The following CORO2B variants were observed in gnomAD, a reference collection of about 807,000 sequenced individuals.
CORO2B encodes coronin-2B.
Under a neutral mutation model 58.8 loss-of-function variants are expected in CORO2B, and 26 were observed. The ratio of observed to expected loss-of-function variants is 0.44; its 90% CI spans 0.32 to 0.61. CORO2B has a LOEUF of 0.61. Ranked by LOEUF, CORO2B falls within the 20% of genes least tolerant of loss-of-function variation. CORO2B has a pLI of 0.04. For synonymous variants in CORO2B, 242 were observed against 253.8 expected (o/e 0.95, Z 0.44); for missense variants, 460 against 645.1 (o/e 0.71, Z 3.11).
chr15:68,676,860 T>C (rs1397492189), intron 2 of CORO2B, among the ~76,000 whole-genome samples: 1 of 152,086 alleles, frequency 6.6e-6, no homozygotes, highest in Non-Finnish European at 1.5e-5. Flanking sequence ...CAGTCTCTAC[T>C]TCCTGGATCA....
At chr15:68,529,967 T>C in the CORO2B span, among the ~76,000 whole-genome samples, 1 of 152,218 alleles carries the variant, frequency 6.6e-6, no homozygotes, top group African/African-American at 2.4e-5. Context: ...GATATTTTTC[T>C]GTTGTTGATT....
At chr15:68,603,660 G>A (rs907902879) in intron 1 of CORO2B, among the ~76,000 whole-genome samples, 4 of 152,040 alleles carry the variant, frequency 2.6e-5, no homozygotes, top group African/African-American at 9.7e-5. Context: ...TAAGAAAATA[G>A]ACACCAGAGA....
At chr15:68,687,166 C>G (rs1051102533) in intron 2 of CORO2B, among the ~76,000 whole-genome samples, 2 of 152,154 alleles carry the variant, frequency 1.3e-5, no homozygotes, top group African/African-American at 4.8e-5. Context: ...GCAAGGGTAT[C>G]AGACCAGGGT....
intron 1 of CORO2B, among the ~76,000 whole-genome samples, chr15:68,614,794 A>G (rs1192608001): frequency 6.6e-6 from 1 of 152,134 alleles, no homozygotes; most frequent in Non-Finnish European, 1.5e-5. Flanking sequence ...CTCAGCTCTG[A>G]CTGGAGCGCT....
the CORO2B span, among the ~76,000 whole-genome samples, chr15:68,522,363 A>G: frequency 2.0e-5 from 3 of 152,208 alleles, no homozygotes; most frequent in African/African-American, 4.8e-5. Flanking sequence ...CATGTCTCAT[A>G]TATCTCTTAT....
At chr15:68,639,771 T>A (rs891383288) in intron 1 of CORO2B, among the ~76,000 whole-genome samples, 1 of 152,186 alleles carries the variant, frequency 6.6e-6, no homozygotes, top group African/African-American at 2.4e-5. Context: ...GTCCTTTCTT[T>A]TACAGAGTTC....
chr15:68,635,051 A>G (rs916676774), intron 1 of CORO2B, among the ~76,000 whole-genome samples: 1 of 152,134 alleles, frequency 6.6e-6, no homozygotes, highest in Admixed American at 6.5e-5. Context: ...CATTTCCACA[A>G]ACACTTCAGG....
At chr15:68,554,376 G>A in the CORO2B span, among the ~76,000 whole-genome samples, 1 of 152,140 alleles carries the variant, frequency 6.6e-6, no homozygotes, top group African/African-American at 2.4e-5. Flanking sequence ...AAACCCCAAA[G>A]AGGCCAGGAG....
chr15:68,636,033 G>C (rs1166703594), intron 1 of CORO2B, among the ~76,000 whole-genome samples: 1 of 152,232 alleles, frequency 6.6e-6, no homozygotes. Context: ...TCAGATCCCA[G>C]CTCCTCCACT....
At chr15:68,547,633 C>T in the CORO2B span, among the ~76,000 whole-genome samples, 5 of 152,196 alleles carry the variant, frequency 3.3e-5, no homozygotes, top group Middle Eastern at 3.4e-3. Flanking sequence ...TGAGCCACCG[C>T]ACCCGGCCTA....
chr15:68,518,812 A>C, the CORO2B span, among the ~76,000 whole-genome samples: 1 of 152,108 alleles, frequency 6.6e-6, no homozygotes, highest in Non-Finnish European at 1.5e-5. Context: ...ACAGCCATAA[A>C]CACTGATGAG....
At chr15:68,704,470 G>A (rs2140321530) in intron 3 of CORO2B, among the ~76,000 whole-genome samples, 1 of 152,152 alleles carries the variant, frequency 6.6e-6, no homozygotes, top group South Asian at 2.1e-4. Context: ...AAGAAACTTG[G>A]GGAAAATCTC....
chr15:68,585,453 A>T (rs769058492), intron 1 of CORO2B, among the ~76,000 whole-genome samples: 9 of 152,220 alleles, frequency 5.9e-5, no homozygotes, highest in Non-Finnish European at 1.2e-4. Context: ...AGATTCTATT[A>T]TCCATCCCAT....
In CORO2B at chr15:68,671,794, C is replaced by T. The variant is rs1902403383; in HGVS notation, c.217-23346C>T. ...CCAGGTGAGAGCAAGAGAGCCCAGG[C>T]AGAAACTGGAATCTTGTGTAACCCT... On this transcript the variant is annotated intron_variant, in intron 2 of 11. Coordinates refer to ENST00000261861, the MANE Select transcript of CORO2B (RefSeq NM_006091.5). Among the ~76,000 whole-genome samples, 4 of 152,310 alleles carry T rather than the reference C, an allele frequency of 2.6e-5. No individual in the cohort carries two copies. In the South Asian group the frequency reaches 8.3e-4, roughly 32 times the overall value.
chr15:68,687,161 G>C (rs1157991375), intron 2 of CORO2B, among the ~76,000 whole-genome samples: 2 of 152,146 alleles, frequency 1.3e-5, no homozygotes, highest in Non-Finnish European at 2.9e-5. Flanking sequence ...AAGCAGCAAG[G>C]GTATCAGACC....
chr15:68,574,944 G>A (rs1297925225), upstream of CORO2B, among the ~76,000 whole-genome samples: 1 of 152,158 alleles, frequency 6.6e-6, no homozygotes, highest in Non-Finnish European at 1.5e-5. Context: ...GTGTCTAGAA[G>A]AGACCAGAAC....
intron 1 of CORO2B, among the ~76,000 whole-genome samples, chr15:68,603,256 G>A (rs1900027035): frequency 6.6e-6 from 1 of 152,198 alleles, no homozygotes; most frequent in Non-Finnish European, 1.5e-5. Flanking sequence ...CTGGATGACT[G>A]TGTTGTCAAA....
At chr15:68,594,116 A>G (rs1227413277) in intron 1 of CORO2B, among the ~76,000 whole-genome samples, 2 of 152,126 alleles carry the variant, frequency 1.3e-5, no homozygotes, top group African/African-American at 4.8e-5. Flanking sequence ...TGAACGAATA[A>G]ACAAAAGGGG....
chr15:68,526,782 T>C, the CORO2B span, among the ~76,000 whole-genome samples: 2 of 152,224 alleles, frequency 1.3e-5, no homozygotes, highest in Non-Finnish European at 2.9e-5. Context: ...TATTAAAATA[T>C]AGTGTCTTTG....
Sources: gnomAD v4.1 joint callset for allele counts (sites outside exome capture counted in the v4.1 genomes callset) on GRCh38, gnomAD v4.1.1 for gene constraint, MANE v1.5 for transcripts, NCBI Gene and HGNC (gene_info 2026-07-23, HGNC 2026-07-21) for gene names.